TTC27: variants seen among roughly 807,000 people sequenced by gnomAD.
TTC27 encodes the protein tetratricopeptide repeat domain 27.
Under a neutral mutation model 115.9 loss-of-function variants are expected in TTC27, and 79 were observed. The observed-to-expected ratio is 0.68, with a 90% CI of 0.57 to 0.82. TTC27 has a LOEUF of 0.82. TTC27 is among the 40% of genes least tolerant of loss of function. The pLI is 0.00. For missense variants in TTC27, 1,054 were observed against 993.1 expected, an observed-to-expected ratio of 1.06 and a Z score of -0.82; for synonymous variants, 401 against 356.0, an observed-to-expected ratio of 1.13 and a Z score of -1.42.
At chr2:32,671,520 G>T (rs975646087) in intron 7 of TTC27, among the ~76,000 whole-genome samples, 4 of 152,110 alleles carry the variant, frequency 2.6e-5, no homozygotes, top group Non-Finnish European at 4.4e-5. Flanking sequence ...ATATATGCAT[G>T]GGTCTAAAAT....
At chr2:32,671,071 A>G (rs540486411) in intron 7 of TTC27, among the ~76,000 whole-genome samples, 48 of 152,294 alleles carry the variant, frequency 3.2e-4, no homozygotes, top group Middle Eastern at 3.4e-3. Context: ...TTTTCAGAGA[A>G]CAGAAGTTTT....
chr2:32,798,713 A>AAAATAATAAT (rs1368512271), intron 16 of TTC27, among the ~76,000 whole-genome samples: 16 of 142,354 alleles, frequency 1.1e-4, no homozygotes, highest in African/African-American at 4.1e-4. Context: ...TCAAAAAAAA[A>AAAATAATAAT]AATAATAATA....
At chr2:32,712,245 A>G (rs1196913943) in intron 10 of TTC27, among the ~76,000 whole-genome samples, 1 of 152,256 alleles carries the variant, frequency 6.6e-6, no homozygotes, top group African/African-American at 2.4e-5. Context: ...AATCATGATT[A>G]TAAGATCCAC....
chr2:32,679,861 A>G (rs1258234896), intron 9 of TTC27, among the ~76,000 whole-genome samples: 1 of 152,098 alleles, frequency 6.6e-6, no homozygotes. Flanking sequence ...GCTTGGTGGT[A>G]CATGTCTGTA....
At chr2:32,782,511 A>T (rs1670214631) in intron 14 of TTC27, 115 bp from the exon 15 acceptor site, 1 of 684,130 alleles carries the variant, frequency 1.5e-6, no homozygotes, top group Non-Finnish European at 2.4e-6. Context: ...TCTTATTGAA[A>T]ATTGTGGTTT....
chr2:32,681,295 A>AT (rs1666415730), intron 9 of TTC27, among the ~76,000 whole-genome samples: 1 of 152,136 alleles, frequency 6.6e-6, no homozygotes, highest in Non-Finnish European at 1.5e-5. Context: ...TCTCCCCGAC[A>AT]TTTTTTTAAT....
intron 13 of TTC27, among the ~76,000 whole-genome samples, chr2:32,772,231 TCAG>T (rs2148008001): frequency 6.6e-6 from 1 of 152,332 alleles, no homozygotes; most frequent in Admixed American, 6.5e-5. Flanking sequence ...GTCACTGTCT[TCAG>T]CACACATATT....
At chr2:32,689,452 A>G (rs1666742321) in intron 9 of TTC27, among the ~76,000 whole-genome samples, 1 of 152,162 alleles carries the variant, frequency 6.6e-6, no homozygotes. Context: ...CAAACTATTC[A>G]ATTTACCTAA....
intron 10 of TTC27, among the ~76,000 whole-genome samples, chr2:32,721,387 G>A (rs1667920442): frequency 6.6e-6 from 1 of 152,150 alleles, no homozygotes; most frequent in African/African-American, 2.4e-5. Context: ...GCTGGATTCA[G>A]GGGTTCAAAG....
chr2:32,814,601 T>G (rs1349043589), intron 18 of TTC27, among the ~76,000 whole-genome samples: 1 of 152,228 alleles, frequency 6.6e-6, no homozygotes, highest in Non-Finnish European at 1.5e-5. Context: ...TAGCAACATT[T>G]TGGTCACCAG....
At chr2:32,644,872 CTTT>C (rs35904079) in intron 4 of TTC27, among the ~76,000 whole-genome samples, 1 of 83,328 alleles carries the variant, frequency 1.2e-5, no homozygotes. Flanking sequence ...TTCCTTTCTG[CTTT>C]TTTTTTTTTT....
At chr2:32,650,612 T>A (rs1015174726) in intron 5 of TTC27, among the ~76,000 whole-genome samples, 1 of 151,998 alleles carries the variant, frequency 6.6e-6, no homozygotes, top group African/African-American at 2.4e-5. Flanking sequence ...AAAAAGTCCT[T>A]AACTAACTTG....
At chr2:32,786,469 A>T (rs1459587355) in intron 15 of TTC27, among the ~76,000 whole-genome samples, 1 of 152,184 alleles carries the variant, frequency 6.6e-6, no homozygotes, top group East Asian at 1.9e-4. Context: ...TAGTAAATTT[A>T]TGTCCTGTTG....
At chr2:32,657,976 C>T (rs941705168) in intron 5 of TTC27, among the ~76,000 whole-genome samples, 5 of 152,118 alleles carry the variant, frequency 3.3e-5, no homozygotes, top group African/African-American at 7.2e-5. Flanking sequence ...ATTACAGGCG[C>T]GTGCCAGCAC....
chr2:32,764,786 A>G (rs1484714181), intron 13 of TTC27, among the ~76,000 whole-genome samples: 2 of 152,254 alleles, frequency 1.3e-5, no homozygotes, highest in African/African-American at 2.4e-5. Flanking sequence ...CATTTCAACA[A>G]TGTTTACAAC....
chr2:32,793,172 A>G (rs908900425), intron 16 of TTC27, among the ~76,000 whole-genome samples: 5 of 152,202 alleles, frequency 3.3e-5, no homozygotes, highest in Non-Finnish European at 7.3e-5. Context: ...TGTCACATAC[A>G]AAGAATCCTT....
At chr2:32,799,840 A>G (rs1670861442) in intron 16 of TTC27, among the ~76,000 whole-genome samples, 2 of 152,198 alleles carry the variant, frequency 1.3e-5, no homozygotes, top group Non-Finnish European at 2.9e-5. Flanking sequence ...TTTAATATGT[A>G]TTGAAATAGC....
At chr2:32,777,831 T>G in intron 13 of TTC27, 51 bp from the exon 14 acceptor site, 1 of 1,559,710 alleles carries the variant, frequency 6.4e-7, no homozygotes, top group African/African-American at 1.4e-5. Context: ...CAGATTACAT[T>G]CTGTAAATGT....
rs543253234 is a variant in TTC27 at position 32,697,377 on chromosome 2, A to G, written c.1120-5430A>G. ...ACCATTCCAAATCTGATGAGTCACA[A>G]TTTGGGGTTTTCAACATCTTCTTTT... On this transcript the variant is annotated intron_variant, in intron 9 of 19. Transcript: ENST00000317907. Among the ~76,000 whole-genome samples the G allele has an allele frequency of 2.5e-4, 38 of 152,278 alleles. No individual in the cohort carries two copies. In the South Asian group the frequency reaches 2.9e-3, roughly 12 times the overall value.
Sources: allele counts gnomAD v4.1 joint callset (sites outside exome capture counted in the v4.1 genomes callset), GRCh38; gene constraint gnomAD v4.1.1; transcripts MANE v1.5; gene names NCBI Gene and HGNC (gene_info 2026-07-23, HGNC 2026-07-21).